Variants in ZFP14 observed in about 807,000 individuals in gnomAD.
ZFP14 encodes ZFP14 zinc finger protein.
ZFP14 carries 22 observed loss-of-function variants against 54.5 expected under a neutral mutation model. The ratio of observed to expected loss-of-function variants is 0.40; its 90% CI spans 0.29 to 0.58. ZFP14 has a LOEUF of 0.58. Ranked by LOEUF, ZFP14 falls within the 20% of genes least tolerant of loss-of-function variation. The pLI is 0.39. For missense variants in ZFP14, 470 were observed against 637.8 expected, an observed-to-expected ratio of 0.74 and a Z score of 2.83; for synonymous variants, 159 against 204.0, an observed-to-expected ratio of 0.78 and a Z score of 1.88.
rs368752785 is a variant in ZFP14 at position 36,360,454 on chromosome 19, C to G, written c.216G>C (p.Gly72=). The change falls in exon 4 of 5, where the codon GGG becomes GGC. Residue 72 remains glycine, a synonymous_variant. Transcript: ENST00000270001. ...ACTCACCAGGGCAGTATCTTCTTGT[C>G]CCTTCCCTCACAACCATCCCAGGTT... ...RKEPGMVVRE[G]TRRYCPDLES... 1.9e-5 allele frequency: 31 copies of G among 1,613,600 alleles called. No individual in the cohort carries two copies. The highest frequency in any genetic ancestry group is 2.6e-5 in the Non-Finnish European group (31 of 1,179,732).
chr19:36,363,989 CAA>C (rs371565202), intron 2 of ZFP14, among the ~76,000 whole-genome samples: 5 of 124,814 alleles, frequency 4.0e-5, no homozygotes, highest in East Asian at 2.3e-4. Context: ...GACTCGGTCT[CAA>C]AAAAAAAAAA....
At chr19:36,376,078 A>C (rs962709737) in intron 1 of ZFP14, among the ~76,000 whole-genome samples, 6 of 152,064 alleles carry the variant, frequency 3.9e-5, no homozygotes, top group African/African-American at 7.2e-5. Context: ...TCTGCATGAT[A>C]TTAGACAGGT....
At chr19:36,355,440 G>A (rs1168980633) in intron 4 of ZFP14, among the ~76,000 whole-genome samples, 1 of 142,696 alleles carries the variant, frequency 7.0e-6, no homozygotes, top group African/African-American at 2.6e-5. Flanking sequence ...CACCTTGGGA[G>A]GCAGAGGTAT....
At chr19:36,374,948 C>CT (rs545363164) in intron 1 of ZFP14, among the ~76,000 whole-genome samples, 169 of 148,418 alleles carry the variant, frequency 1.1e-3, no homozygotes, top group African/African-American at 3.2e-3. Flanking sequence ...TTCTGAGTGG[C>CT]TTTTTTTTTT....
At chr19:36,364,471 G>A (rs997337965) in intron 2 of ZFP14, among the ~76,000 whole-genome samples, 2 of 152,140 alleles carry the variant, frequency 1.3e-5, no homozygotes, top group African/African-American at 4.8e-5. Flanking sequence ...AGGACGACGA[G>A]GGGTGTAACT....
intron 4 of ZFP14, among the ~76,000 whole-genome samples, chr19:36,356,469 G>C (rs1355608727): frequency 6.6e-6 from 1 of 151,250 alleles, no homozygotes; most frequent in Non-Finnish European, 1.5e-5. Context: ...ATATTCCATA[G>C]AGCTTACTTA....
intron 4 of ZFP14, among the ~76,000 whole-genome samples, chr19:36,356,303 C>T (rs1204285745): frequency 6.6e-6 from 1 of 151,786 alleles, no homozygotes; most frequent in Admixed American, 6.6e-5. Flanking sequence ...TGGCGCATGC[C>T]TATAATCTCA....
At chr19:36,369,514 G>A (rs1196622088) in intron 1 of ZFP14, among the ~76,000 whole-genome samples, 2 of 151,860 alleles carry the variant, frequency 1.3e-5, no homozygotes, top group South Asian at 2.1e-4. Context: ...GGGTTCAAGC[G>A]TTTCTCCTGC....
At position 36,343,433 on chromosome 19, in the gene ZFP14, G is replaced by A. The variant is rs181487055; in HGVS notation, c.236-1843C>T. On this transcript the variant is annotated intron_variant, in intron 4 of 4. Transcript: ENST00000270001. ...TTCCAAATAAATAGGACTCTTCACAGGCTGCTCCTTCTTTGAGGAATCCTC... is the reference window on the plus strand; with the variant it reads ...TTCCAAATAAATAGGACTCTTCACAAGCTGCTCCTTCTTTGAGGAATCCTC... Among the ~76,000 whole-genome samples, 4 of 152,208 alleles carry A rather than the reference G, an allele frequency of 2.6e-5. No homozygotes were observed. In the East Asian group the frequency reaches 7.7e-4, roughly 29 times the overall value.
At position 36,337,812 on chromosome 19, in the gene ZFP14, G is replaced by A. The variant is rs937746206; in HGVS notation, c.*2412C>T. ...GTTAAAACAGATCAAAGGGTTCAGA[G>A]GTGGCCAGTTTGATAGATCCACCAT... On this transcript the variant is annotated 3_prime_UTR_variant, in exon 5 of 5. Coordinates refer to ENST00000270001, the MANE Select transcript of ZFP14 (RefSeq NM_020917.3). The A allele has an allele frequency of 1.3e-5, 2 of 152,104 alleles. No individual in the cohort carries two copies. Among genetic ancestry groups the A allele is most frequent in the Non-Finnish European group, 2.9e-5 (2 of 68,038 alleles). 9.4% of individuals were successfully genotyped at this position (152,104 alleles called of 1,614,324 possible). A position where few individuals can be genotyped will look rare whatever the true frequency, so the allele number is the denominator to read the frequency against.
chr19:36,343,920 T>C (rs180996538), intron 4 of ZFP14, among the ~76,000 whole-genome samples: 1 of 152,310 alleles, frequency 6.6e-6, no homozygotes, highest in African/African-American at 2.4e-5. Context: ...TCACCCCTCA[T>C]AGATCCCACC....
intron 4 of ZFP14, among the ~76,000 whole-genome samples, chr19:36,344,055 T>C (rs755105147): frequency 2.0e-5 from 3 of 152,160 alleles, no homozygotes; most frequent in Non-Finnish European, 2.9e-5. Context: ...CAGGCTGGAG[T>C]GCAGTGGCAC....
intron 1 of ZFP14, among the ~76,000 whole-genome samples, chr19:36,374,739 A>G (rs1473035140): frequency 6.7e-6 from 1 of 150,086 alleles, no homozygotes; most frequent in Non-Finnish European, 1.5e-5. Context: ...ATTTTGACAG[A>G]AAAAAAAATC....
chr19:36,340,321 T>C lies in ZFP14; in HGVS notation c.1505A>G (p.His502Arg). Residue 502 changes from histidine (H) to arginine (R), a missense_variant, in exon 5 of 5, where the codon CAT (histidine) becomes CGT (arginine). His to Arg is a conservative substitution (Grantham distance 29). Transcript: ENST00000270001. The surrounding 1 kb of genome is among the most constrained non-coding windows in gnomAD (Gnocchi z 5.4). ...ACACTTGTAGGGCTTCTCACCAGTA[T>C]GAATTCTCTGGTGTTGAGTAAGAAA... The part of the protein sequence containing the change: ...YSFLTQHQRI[H>R]TGEKPYKCKE... 2 of 1,614,138 alleles carry C rather than the reference T, an allele frequency of 1.2e-6. No homozygotes were observed. The highest frequency in any genetic ancestry group is 1.3e-5 in the African/African-American group (1 of 75,072).
chr19:36,372,103 G>A (rs10409476), intron 1 of ZFP14, among the ~76,000 whole-genome samples: 3,326 of 149,870 alleles, frequency 0.022, 87 homozygotes, highest in African/African-American at 0.076. Context: ...AAAGGAGGAA[G>A]GAAGGAAGGA....
Position 36,337,847 on chromosome 19 carries a change from G to A in ZFP14, c.*2377C>T, listed in dbSNP as rs373313158. 3 of 152,156 alleles carry A rather than the reference G, an allele frequency of 2.0e-5. No individual in the cohort carries two copies. Among genetic ancestry groups the A allele is most frequent in the African/African-American group, 4.8e-5 (2 of 41,494 alleles). 9.4% of individuals were successfully genotyped at this position (152,156 alleles called of 1,614,324 possible). A position where few individuals can be genotyped will look rare whatever the true frequency, so the allele number is the denominator to read the frequency against. On this transcript the variant is annotated 3_prime_UTR_variant, in exon 5 of 5. Coordinates refer to ENST00000270001, the MANE Select transcript of ZFP14 (RefSeq NM_020917.3). ...TTGATAGATCCACCATAAAAATCTC[G>A]CTATAAAATATTTCACCTATTAGTT...
chr19:36,358,602 T>C (rs557403590), intron 4 of ZFP14, among the ~76,000 whole-genome samples: 151 of 152,282 alleles, frequency 9.9e-4, no homozygotes, highest in African/African-American at 3.4e-3. Context: ...ATTTTTATAG[T>C]TTATAATGTA....
intron 4 of ZFP14, among the ~76,000 whole-genome samples, chr19:36,354,370 CAA>C (rs58651628): frequency 9.1e-5 from 9 of 99,016 alleles, no homozygotes; most frequent in Admixed American, 1.1e-4. Flanking sequence ...GATTCCATCT[CAA>C]AAAAAAAAAA....
At chr19:36,378,681 G>A (rs2032001092) in intron 1 of ZFP14, 1 of 152,236 alleles carries the variant, frequency 6.6e-6, no homozygotes, top group South Asian at 2.1e-4. Context: ...TTGAGACCGC[G>A]GGCCTTTCCT....
Sources: gnomAD v4.1 joint callset for allele counts (sites outside exome capture counted in the v4.1 genomes callset) on GRCh38, gnomAD v4.1.1 for gene constraint, Gnocchi (gnomAD v3.1) non-coding constraint, MANE v1.5 for transcripts, NCBI Gene and HGNC (gene_info 2026-07-23, HGNC 2026-07-21) for gene names.